ARIH1: variants seen among roughly 807,000 people sequenced by gnomAD.
The protein encoded by ARIH1 is E3 ubiquitin-protein ligase ARIH1.
ARIH1 carries 8 observed loss-of-function variants against 85.0 expected under a neutral mutation model. The observed-to-expected ratio is 0.09, with a 90% CI of 0.06 to 0.17. The LOEUF (loss-of-function observed/expected upper bound fraction) is 0.17. Ranked by LOEUF, ARIH1 falls within the 10% of genes least tolerant of loss-of-function variation. The pLI, the probability that ARIH1 is intolerant of heterozygous loss-of-function variation, is 1.00. For synonymous variants in ARIH1, 238 were observed against 253.6 expected (o/e 0.94, Z 0.59); for missense variants, 311 against 718.1 (o/e 0.43, Z 6.48).
At chr15:72,554,712 TC>T (rs1280151823) in intron 3 of ARIH1, among the ~76,000 whole-genome samples, 2 of 152,132 alleles carry the variant, frequency 1.3e-5, no homozygotes, top group Admixed American at 6.6e-5. Context: ...TTATAGCTGT[TC>T]TAGTGAGGGT....
At chr15:72,483,681 G>T (rs929644195) in intron 1 of ARIH1, among the ~76,000 whole-genome samples, 7 of 152,000 alleles carry the variant, frequency 4.6e-5, no homozygotes, top group Non-Finnish European at 1.0e-4. Flanking sequence ...ATTACTTTTG[G>T]CTTTGCAAAA....
chr15:72,474,403 T>C lies in ARIH1; in HGVS notation c.-237T>C. The C allele has an allele frequency of 5.5e-6, 3 of 547,596 alleles. No homozygotes were observed. Among genetic ancestry groups the C allele is most frequent in the Non-Finnish European group, 6.3e-6 (2 of 315,522 alleles). The allele number at this position is 547,596 out of a possible 1,614,324, so 33.9% of individuals were successfully genotyped here. On this transcript the variant is annotated 5_prime_UTR_variant, in exon 1 of 14. Coordinates refer to ENST00000379887, the MANE Select transcript of ARIH1 (RefSeq NM_005744.5). ...TCGGAGGCCGGAGCGGAGCCGCGTC[T>C]GACTGAGGCGGGCAGCAAGCGGCCC... is the stretch of plus-strand genomic sequence containing the variant.
chr15:72,478,907 A>C lies in ARIH1; in HGVS notation c.375+3893A>C, dbSNP rs78891994. Reference sequence around the variant, plus strand: ...GACTGAAGTGCAATGGCAAGATCATAGCTCACTGCAACCTCAACTTCCTGA... The same window carrying C: ...GACTGAAGTGCAATGGCAAGATCATCGCTCACTGCAACCTCAACTTCCTGA... On this transcript the variant is annotated intron_variant, in intron 1 of 13. Coordinates refer to ENST00000379887, the MANE Select transcript of ARIH1 (RefSeq NM_005744.5). 7.2e-3 allele frequency among the ~76,000 whole-genome samples: 1,095 copies of C among 152,322 alleles called. 9 individuals are homozygous for C. Among genetic ancestry groups the C allele is most frequent in the African/African-American group, 0.025 (1,021 of 41,568 alleles).
intron 1 of ARIH1, among the ~76,000 whole-genome samples, chr15:72,490,482 C>G (rs960936927): frequency 6.6e-6 from 1 of 152,032 alleles, no homozygotes; most frequent in Non-Finnish European, 1.5e-5. Context: ...TAGGTTGGCA[C>G]TCCTTATGAG....
chr15:72,479,197 T>C (rs758460164), intron 1 of ARIH1, among the ~76,000 whole-genome samples: 2 of 152,126 alleles, frequency 1.3e-5, no homozygotes, highest in Admixed American at 6.5e-5. Context: ...ATTTTCAGAT[T>C]AGGGATGTTG....
intron 2 of ARIH1, among the ~76,000 whole-genome samples, chr15:72,544,180 C>T (rs2064119411): frequency 6.6e-6 from 1 of 151,914 alleles, no homozygotes; most frequent in South Asian, 2.1e-4. Flanking sequence ...TTTTATTCCT[C>T]CTCCTTTCTC....
intron 2 of ARIH1, among the ~76,000 whole-genome samples, chr15:72,526,860 CTTT>C (rs58241698): frequency 1.4e-5 from 2 of 138,148 alleles, no homozygotes; most frequent in African/African-American, 5.3e-5. Flanking sequence ...CTGTCTAATG[CTTT>C]TTTTTTTTTT....
intron 3 of ARIH1, among the ~76,000 whole-genome samples, chr15:72,546,133 T>C (rs572707062): frequency 6.6e-6 from 1 of 152,258 alleles, no homozygotes; most frequent in South Asian, 2.1e-4. Context: ...CATCAGACTC[T>C]TGGGCTCAAG....
Position 72,541,638 on chromosome 15 carries a change from G to A in ARIH1, c.444-3182G>A, listed in dbSNP as rs532112573. On this transcript the variant is annotated intron_variant, in intron 2 of 13. Coordinates refer to ENST00000379887, the MANE Select transcript of ARIH1 (RefSeq NM_005744.5). ...CTTTGTCAAATATTGAGAATTTATC[G>A]ACTACAAGAGCAGACAAATTAGTGG... Among the ~76,000 whole-genome samples the A allele has an allele frequency of 1.8e-4, 27 of 152,266 alleles. No homozygotes were observed. In the South Asian group the frequency reaches 3.5e-3, roughly 20 times the overall value.
At chr15:72,555,814 T>G (rs1343024543) in intron 4 of ARIH1, 38 bp from the exon 5 acceptor site, 1 of 1,574,284 alleles carries the variant, frequency 6.4e-7, no homozygotes, top group Non-Finnish European at 8.7e-7. Flanking sequence ...ATTAAATATT[T>G]GTTGAATGAA....
intron 9 of ARIH1, among the ~76,000 whole-genome samples, chr15:72,568,702 G>T (rs944221713): frequency 2.0e-5 from 3 of 152,130 alleles, no homozygotes; most frequent in Non-Finnish European, 2.9e-5. Flanking sequence ...TTATAACCAA[G>T]AAATGTAGAA....
At chr15:72,516,271 C>A (rs916253838) in intron 1 of ARIH1, among the ~76,000 whole-genome samples, 4 of 152,082 alleles carry the variant, frequency 2.6e-5, no homozygotes, top group African/African-American at 9.7e-5. Flanking sequence ...TATAGTCATG[C>A]AATTTTAGTT....
chr15:72,565,808 T>A (rs2044713565), intron 7 of ARIH1, among the ~76,000 whole-genome samples: 1 of 152,200 alleles, frequency 6.6e-6, no homozygotes, highest in Non-Finnish European at 1.5e-5. Context: ...CCATTCCCCA[T>A]CTTTCTTTTC....
chr15:72,547,228 C>T (rs1049777565), intron 3 of ARIH1, among the ~76,000 whole-genome samples: 29 of 39,084 alleles, frequency 7.4e-4, no homozygotes, highest in Admixed American at 8.5e-4. Flanking sequence ...CGCCTGGCCT[C>T]TTTCCTTTTC....
rs2064329051 is a variant in ARIH1, at chr15:72,588,874, G to A, written c.*5582G>A. ...CTAGGGAAAATAATACAGAGTCTGA[G>A]CAAAGGAAGTTGAGTGGTTATAAGC... On this transcript the variant is annotated 3_prime_UTR_variant, in exon 14 of 14. Coordinates refer to ENST00000379887, the MANE Select transcript of ARIH1 (RefSeq NM_005744.5). 1.3e-5 allele frequency: 2 copies of A among 152,208 alleles called. No individual in the cohort carries two copies. Among genetic ancestry groups the A allele is most frequent in the Admixed American group, 6.5e-5 (1 of 15,282 alleles). 9.4% of individuals were successfully genotyped at this position (152,208 alleles called of 1,614,324 possible).
intron 2 of ARIH1, among the ~76,000 whole-genome samples, chr15:72,520,125 A>G (rs1289734445): frequency 6.6e-6 from 1 of 152,194 alleles, no homozygotes; most frequent in Non-Finnish European, 1.5e-5. Flanking sequence ...CTGTCTAAAA[A>G]AATAGGTGGT....
intron 2 of ARIH1, among the ~76,000 whole-genome samples, chr15:72,523,880 C>T (rs924362909): frequency 2.8e-5 from 4 of 144,602 alleles, no homozygotes; most frequent in Non-Finnish European, 6.1e-5. Flanking sequence ...GAAGACACAA[C>T]ATTGAGAATA....
At chr15:72,574,645 A>G (rs535296982) in intron 11 of ARIH1, among the ~76,000 whole-genome samples, 1 of 152,344 alleles carries the variant, frequency 6.6e-6, no homozygotes, top group Non-Finnish European at 1.5e-5. Flanking sequence ...TTTTCTGTGA[A>G]GAATCAGATG....
intron 3 of ARIH1, among the ~76,000 whole-genome samples, chr15:72,549,175 C>G (rs971939276): frequency 2.0e-5 from 3 of 151,444 alleles, no homozygotes; most frequent in African/African-American, 7.3e-5. Context: ...GCAACCTCCA[C>G]CCCGCAGTTT....
Sources: gnomAD v4.1 joint callset for allele counts (sites outside exome capture counted in the v4.1 genomes callset) on GRCh38, gnomAD v4.1.1 for gene constraint, MANE v1.5 for transcripts, NCBI Gene and HGNC (gene_info 2026-07-23, HGNC 2026-07-21) for gene names.